The following CHRM5 variants were observed in gnomAD, a reference collection of about 807,000 sequenced individuals.
The protein encoded by CHRM5 is cholinergic receptor muscarinic 5.
Under a neutral mutation model 39.0 loss-of-function variants are expected in CHRM5, and 18 were observed. That is an observed-to-expected ratio of 0.46 (90% CI 0.32 to 0.68). The LOEUF is 0.68. Among genes scored for constraint, CHRM5 ranks in the 30% least tolerant of loss-of-function variants. The pLI, the probability that CHRM5 is intolerant of heterozygous loss-of-function variation, is 0.04. For missense variants in CHRM5, 515 were observed against 651.1 expected, an observed-to-expected ratio of 0.79 and a Z score of 2.28; for synonymous variants, 241 against 246.3, an observed-to-expected ratio of 0.98 and a Z score of 0.20.
At chr15:34,053,321 T>A (rs375566285) in intron 2 of CHRM5, among the ~76,000 whole-genome samples, 1,365 of 72,050 alleles carry the variant, frequency 0.019, 13 homozygotes, top group African/African-American at 0.028. Context: ...AAAAAAAAAA[T>A]ATATATATAT....
intron 1 of CHRM5, among the ~76,000 whole-genome samples, chr15:33,997,479 C>A (rs1362452655): frequency 1.3e-5 from 2 of 152,150 alleles, no homozygotes; most frequent in African/African-American, 4.8e-5. Context: ...AACTCACAGC[C>A]AGGCACACCC....
chr15:34,001,991 TTA>T (rs1220490299), intron 1 of CHRM5, among the ~76,000 whole-genome samples: 1 of 152,194 alleles, frequency 6.6e-6, no homozygotes, highest in Admixed American at 6.5e-5. Context: ...CTGGCAATAA[TTA>T]TTTAGCGACG....
intron 1 of CHRM5, among the ~76,000 whole-genome samples, chr15:33,982,312 A>G (rs771483330): frequency 1.3e-5 from 2 of 152,100 alleles, no homozygotes; most frequent in Non-Finnish European, 1.5e-5. Flanking sequence ...TGCCTTCTCA[A>G]TTTCAAATTC....
chr15:33,983,472 C>A (rs1896279761), intron 1 of CHRM5, among the ~76,000 whole-genome samples: 2 of 151,948 alleles, frequency 1.3e-5, no homozygotes, highest in African/African-American at 4.8e-5. Flanking sequence ...GATAGATCTG[C>A]AGTAAAGCAT....
chr15:34,014,096 C>T (rs1458589033), intron 1 of CHRM5, among the ~76,000 whole-genome samples: 1 of 152,194 alleles, frequency 6.6e-6, no homozygotes, highest in East Asian at 1.9e-4. Flanking sequence ...GGCACAGTGG[C>T]TCACGCCTGC....
At chr15:34,050,062 A>G (rs1045325485) in intron 2 of CHRM5, among the ~76,000 whole-genome samples, 1 of 151,640 alleles carries the variant, frequency 6.6e-6, no homozygotes, top group African/African-American at 2.4e-5. Context: ...TAATTTTTGT[A>G]TTTTTAGTAG....
chr15:34,048,334 T>G (rs1468849300), intron 2 of CHRM5, among the ~76,000 whole-genome samples: 1 of 151,394 alleles, frequency 6.6e-6, no homozygotes, highest in Admixed American at 6.6e-5. Context: ...ATCTGTGTGG[T>G]TTGGTTGACT....
rs137959122 is a variant in CHRM5, at chr15:33,973,691, A to C, written c.-408+4541A>C. ...ACTCCATCTCTATAAAAAAATCTAA[A>C]AGTTAAAAAAATAAGAAAATCTATT... On this transcript the variant is annotated intron_variant, in intron 1 of 2. Transcript: ENST00000383263. 2.9e-3 allele frequency among the ~76,000 whole-genome samples: 440 copies of C among 152,308 alleles called. 1 individual carries two copies. Among genetic ancestry groups the C allele is most frequent in the African/African-American group, 9.7e-3 (405 of 41,558 alleles).
At chr15:34,054,987 G>C (rs1900075835) in intron 2 of CHRM5, among the ~76,000 whole-genome samples, 1 of 152,164 alleles carries the variant, frequency 6.6e-6, no homozygotes, top group South Asian at 2.1e-4. Flanking sequence ...GAAGTCAGGA[G>C]TTCGAGACCA....
chr15:34,013,956 G>C (rs1271694004), intron 1 of CHRM5, among the ~76,000 whole-genome samples: 2 of 152,142 alleles, frequency 1.3e-5, no homozygotes, highest in Non-Finnish European at 2.9e-5. Flanking sequence ...AGAACAGAGG[G>C]AACTCACATT....
At chr15:34,061,091 C>G (rs991607582) in intron 2 of CHRM5, among the ~76,000 whole-genome samples, 4 of 150,924 alleles carry the variant, frequency 2.7e-5, no homozygotes, top group Non-Finnish European at 5.9e-5. Flanking sequence ...TATATATCAT[C>G]AAATTTATGT....
Position 33,983,425 on chromosome 15 carries a change from G to A in CHRM5, c.-408+14275G>A, listed in dbSNP as rs533888024. Among the ~76,000 whole-genome samples, 75 of 151,914 alleles carry A rather than the reference G, an allele frequency of 4.9e-4. 1 individual carries two copies. In the South Asian group the frequency reaches 7.6e-3, roughly 15 times the overall value. ...CCATTCTTCAAAGAAATTGACAGAA[G>A]GGTCAATGACACAAGAATAGCACCA... On this transcript the variant is annotated intron_variant, in intron 1 of 2. Transcript: ENST00000383263.
intron 1 of CHRM5, among the ~76,000 whole-genome samples, chr15:34,040,304 AAAGTT>A (rs1389027062): frequency 6.6e-6 from 1 of 152,180 alleles, no homozygotes; most frequent in Non-Finnish European, 1.5e-5. Flanking sequence ...CCAAAGAAGA[AAAGTT>A]AAATTATATT....
At position 34,065,978 on chromosome 15, in the gene CHRM5, A is replaced by G. The variant is rs1475857518; in HGVS notation, c.*1662A>G. 1 of 152,230 alleles carries G rather than the reference A, an allele frequency of 6.6e-6. No individual in the cohort carries two copies. Among genetic ancestry groups the G allele is most frequent in the Non-Finnish European group, 1.5e-5 (1 of 68,038 alleles). The allele number at this position is 152,230 out of a possible 1,614,324, so 9.4% of individuals were successfully genotyped here. The stretch of plus-strand genomic sequence containing the variant: ...CTGGGAATTAGATATGTACCTGAGT[A>G]TGGGAGAGCTTCAGCCTACCACTGA... On this transcript the variant is annotated 3_prime_UTR_variant, in exon 3 of 3. Transcript: ENST00000383263.
At position 34,066,001 on chromosome 15, in the gene CHRM5, T is replaced by C. The variant is rs1006842507; in HGVS notation, c.*1685T>C. 1.3e-5 allele frequency: 2 copies of C among 152,258 alleles called. No homozygotes were observed. The highest frequency in any genetic ancestry group is 2.9e-5 in the Non-Finnish European group (2 of 68,062). 9.4% of individuals were successfully genotyped at this position (152,258 alleles called of 1,614,324 possible). ...GTATGGGAGAGCTTCAGCCTACCACTGAAGAGCATCATCAGCCTCTCACAG... is the reference window on the plus strand; with the variant it reads ...GTATGGGAGAGCTTCAGCCTACCACCGAAGAGCATCATCAGCCTCTCACAG... On this transcript the variant is annotated 3_prime_UTR_variant, in exon 3 of 3. Transcript: ENST00000383263.
intron 1 of CHRM5, among the ~76,000 whole-genome samples, chr15:34,009,298 CAATTCAAATCCACATGAAA>C (rs1405307987): frequency 2.0e-5 from 3 of 152,058 alleles, no homozygotes; most frequent in Non-Finnish European, 4.4e-5. Context: ...TCCTAAACAG[CAATTCAAATCCACATGAAA>C]AAAACAAATC....
chr15:33,995,137 C>G (rs1472610743), intron 1 of CHRM5, among the ~76,000 whole-genome samples: 1 of 151,966 alleles, frequency 6.6e-6, no homozygotes, highest in Non-Finnish European at 1.5e-5. Flanking sequence ...GGTGGCACAC[C>G]TCTATAGTCC....
chr15:33,989,030 T>C (rs1320690261), intron 1 of CHRM5, among the ~76,000 whole-genome samples: 1 of 147,610 alleles, frequency 6.8e-6, no homozygotes, highest in Non-Finnish European at 1.5e-5. Flanking sequence ...TTCTTTTGCT[T>C]AGCATCCTAA....
At chr15:34,035,263 A>T (rs1490988701) in intron 1 of CHRM5, among the ~76,000 whole-genome samples, 2 of 152,320 alleles carry the variant, frequency 1.3e-5, no homozygotes, top group East Asian at 3.9e-4. Context: ...TTTAAAAGGA[A>T]TATGAAAAGC....
Sources: gnomAD v4.1 joint callset for allele counts (sites outside exome capture counted in the v4.1 genomes callset) on GRCh38, gnomAD v4.1.1 for gene constraint, MANE v1.5 for transcripts, NCBI Gene and HGNC (gene_info 2026-07-23, HGNC 2026-07-21) for gene names.